The following ELMOD2 variants were observed in gnomAD, a reference collection of about 807,000 sequenced individuals.
The protein encoded by ELMOD2 is ELMO domain-containing protein 2.
In ELMOD2, 28 loss-of-function variants were observed where a neutral mutation model predicts 41.0. The observed-to-expected ratio is 0.68, with a 90% confidence interval of 0.51 to 0.94. The LOEUF (loss-of-function observed/expected upper bound fraction) is 0.94. Among genes scored for constraint, ELMOD2 ranks in the 40% least tolerant of loss-of-function variants. The pLI, the probability that ELMOD2 is intolerant of heterozygous loss-of-function variation, is 0.00. For synonymous variants in ELMOD2, 106 were observed against 107.2 expected (o/e 0.99, Z 0.07); for missense variants, 333 against 343.1 (o/e 0.97, Z 0.23).
intron 8 of ELMOD2, among the ~76,000 whole-genome samples, chr4:140,545,392 G>T (rs1226541662): frequency 6.6e-6 from 1 of 151,934 alleles, no homozygotes. Context: ...TTCCTAAGTG[G>T]TACCATCTGG....
chr4:140,543,657 A>G (rs1206975067), intron 8 of ELMOD2, 71 bp downstream of exon 8: 4 of 1,186,526 alleles, frequency 3.4e-6, no homozygotes, highest in East Asian at 2.8e-5. Flanking sequence ...TGTATAATAT[A>G]TATTTTAATC....
Position 140,553,735 on chromosome 4 carries a change from T to C in ELMOD2, c.*3360T>C, listed in dbSNP as rs1409102476. On this transcript the variant is annotated 3_prime_UTR_variant, in exon 9 of 9. Transcript: ENST00000323570. ...GTGTAAAATGTCATTTTGTTTGGAATGTTAAGTGAGCAAATAAAAAACATG... is the reference window on the plus strand; with the variant it reads ...GTGTAAAATGTCATTTTGTTTGGAACGTTAAGTGAGCAAATAAAAAACATG... The C allele has an allele frequency of 6.6e-6, 1 of 152,158 alleles. No individual in the cohort carries two copies. The highest frequency in any genetic ancestry group is 1.5e-5 in the Non-Finnish European group (1 of 68,000). The allele number at this position is 152,158 out of a possible 1,614,324, so 9.4% of individuals were successfully genotyped here. A position where few individuals can be genotyped will look rare whatever the true frequency, so the allele number is the denominator to read the frequency against.
At chr4:140,530,579 T>G (rs943475934) in intron 3 of ELMOD2, among the ~76,000 whole-genome samples, 2 of 152,182 alleles carry the variant, frequency 1.3e-5, no homozygotes, top group Non-Finnish European at 2.9e-5. Flanking sequence ...AAAATTGTAT[T>G]CTTATGAACT....
chr4:140,538,360 A>G (rs1165059572), intron 5 of ELMOD2, among the ~76,000 whole-genome samples: 1 of 152,240 alleles, frequency 6.6e-6, no homozygotes, highest in Non-Finnish European at 1.5e-5. Context: ...TTTATAACAA[A>G]AAGTACTGTG....
chr4:140,531,758 T>C (rs1734755909), intron 3 of ELMOD2, among the ~76,000 whole-genome samples: 1 of 152,240 alleles, frequency 6.6e-6, no homozygotes, highest in South Asian at 2.1e-4. Context: ...TTTATGCCAG[T>C]AAATTGTTTG....
intron 3 of ELMOD2, among the ~76,000 whole-genome samples, chr4:140,533,889 G>A (rs1734827784): frequency 6.6e-6 from 1 of 151,974 alleles, no homozygotes. Context: ...AGTCATCAGG[G>A]AAATGCAAAT....
At chr4:140,535,997 A>G (rs1734913511) in intron 4 of ELMOD2, among the ~76,000 whole-genome samples, 167 bp downstream of exon 4, 1 of 152,210 alleles carries the variant, frequency 6.6e-6, no homozygotes, top group South Asian at 2.1e-4. Context: ...GGGCAGTGAT[A>G]GAATCGGGAC....
intron 5 of ELMOD2, among the ~76,000 whole-genome samples, chr4:140,539,144 C>T (rs1332784466): frequency 6.6e-6 from 1 of 152,108 alleles, no homozygotes; most frequent in Non-Finnish European, 1.5e-5. Flanking sequence ...CAGAATACTC[C>T]TTTCATTAGG....
intron 8 of ELMOD2, among the ~76,000 whole-genome samples, chr4:140,545,907 C>A (rs915046158): frequency 2.6e-5 from 4 of 152,106 alleles, no homozygotes; most frequent in African/African-American, 9.7e-5. Context: ...ACTAGTTCAA[C>A]CATTGTGGAA....
chr4:140,525,329 A>G (rs111707911), intron 1 of ELMOD2, 91 bp from the exon 2 acceptor site: 7 of 1,313,378 alleles, frequency 5.3e-6, no homozygotes, highest in African/African-American at 4.5e-5. Flanking sequence ...ATAGATACAT[A>G]ATTTGAGATT....
At chr4:140,543,988 C>A (rs569022291) in intron 8 of ELMOD2, among the ~76,000 whole-genome samples, 2 of 152,146 alleles carry the variant, frequency 1.3e-5, no homozygotes, top group African/African-American at 4.8e-5. Context: ...CTTTTCGCCT[C>A]CCCCTGCCTT....
At chr4:140,527,313 T>A (rs1002931188) in intron 2 of ELMOD2, among the ~76,000 whole-genome samples, 153 bp from the exon 3 acceptor site, 5 of 152,202 alleles carry the variant, frequency 3.3e-5, no homozygotes, top group African/African-American at 1.2e-4. Context: ...ACTGTAAGAT[T>A]AAATTTTAAA....
At position 140,524,473 on chromosome 4, in the gene ELMOD2, G is replaced by C. The variant is rs571370695; in HGVS notation, c.-10+193G>C. 230 of 457,870 alleles carry C rather than the reference G, an allele frequency of 5.0e-4. 1 individual carries two copies. Among genetic ancestry groups the C allele is most frequent in the African/African-American group, 4.7e-3 (222 of 46,930 alleles). The allele number at this position is 457,870 out of a possible 1,614,324, so 28.4% of individuals were successfully genotyped here. The stretch of plus-strand genomic sequence containing the variant: ...TCGGCGCAGAGACGCCCAGAGCCCT[G>C]GGGTGCTCAGGCGCCGCTACGCGTG... On this transcript the variant is annotated intron_variant, in intron 1 of 8. Transcript: ENST00000323570.
Position 140,535,600 on chromosome 4 carries a change from A to G in ELMOD2, c.172-133A>G, listed in dbSNP as rs1027319259. 4 of 707,352 alleles carry G rather than the reference A, an allele frequency of 5.7e-6. No homozygotes were observed. In the African/African-American group the frequency reaches 7.4e-5, roughly 13 times the overall value. 43.8% of individuals were successfully genotyped at this position (707,352 alleles called of 1,614,324 possible). On this transcript the variant is annotated intron_variant, in intron 3 of 8. Transcript: ENST00000323570. ...TTTAGCCCTAGAGAAAATGTGAAAT[A>G]AACTGGTTGAAACAAACTGGGTTTA...
At chr4:140,524,717 A>G (rs1329826692) in intron 1 of ELMOD2, 1 of 852,494 alleles carries the variant, frequency 1.2e-6, no homozygotes, top group Non-Finnish European at 1.4e-6. Context: ...TTTTGTTTTT[A>G]AGTATCTCCC....
At chr4:140,524,777 T>G (rs1379281322) in intron 1 of ELMOD2, 1 of 369,486 alleles carries the variant, frequency 2.7e-6, no homozygotes, top group East Asian at 1.6e-4. Context: ...AAGAATTTTC[T>G]TATGGCATAA....
chr4:140,548,861 G>T (rs1735376101), intron 8 of ELMOD2, among the ~76,000 whole-genome samples: 1 of 152,064 alleles, frequency 6.6e-6, no homozygotes, highest in South Asian at 2.1e-4. Flanking sequence ...CTTTTTAACA[G>T]CTTTGTTAAG....
chr4:140,545,405 C>T (rs1307516872), intron 8 of ELMOD2, among the ~76,000 whole-genome samples: 1 of 152,100 alleles, frequency 6.6e-6, no homozygotes, highest in Non-Finnish European at 1.5e-5. Flanking sequence ...CCATCTGGTC[C>T]CTTGCTTGAA....
intron 8 of ELMOD2, among the ~76,000 whole-genome samples, chr4:140,548,808 TTACA>T (rs1467031202): frequency 2.6e-5 from 4 of 152,202 alleles, no homozygotes; most frequent in Admixed American, 2.0e-4. Flanking sequence ...ATACATTTGA[TTACA>T]TACAAAGTAG....
Sources: allele counts gnomAD v4.1 joint callset (sites outside exome capture counted in the v4.1 genomes callset), GRCh38; gene constraint gnomAD v4.1.1; transcripts MANE v1.5; gene names NCBI Gene and HGNC (gene_info 2026-07-23, HGNC 2026-07-21).